The following ARHGAP8 variants were observed in gnomAD, a reference collection of about 807,000 sequenced individuals.
ARHGAP8 encodes rho GTPase-activating protein 8.
ARHGAP8 carries 62 observed loss-of-function variants against 46.1 expected under a neutral mutation model. The observed-to-expected ratio is 1.34, with a 90% CI of 1.10 to 1.66. The LOEUF is 1.66. Among genes scored for constraint, ARHGAP8 ranks in the 40% most tolerant of loss-of-function variants. ARHGAP8 has a pLI of 0.00. For synonymous variants in ARHGAP8, 375 were observed against 243.1 expected, an observed-to-expected ratio of 1.54 and a Z score of -5.05; for missense variants, 923 against 568.4, an observed-to-expected ratio of 1.62 and a Z score of -6.34.
rs142785513 is a variant in ARHGAP8, at chr22:44,772,549, G to A, written c.-71-13908G>A. 5.6e-3 allele frequency among the ~76,000 whole-genome samples: 842 copies of A among 150,892 alleles called. 7 individuals are homozygous for A. Among genetic ancestry groups the A allele is most frequent in the African/African-American group, 0.02 (812 of 41,124 alleles). On this transcript the variant is annotated intron_variant, in intron 1 of 11. Transcript: ENST00000356099. ...AACAAACCCTTGTTGGTCATGATAG[G>A]TTGTACTTTTTATATATTGCTGGGT...
In ARHGAP8 at chr22:44,807,402, G is replaced by C. The variant is rs535230788; in HGVS notation, c.168-905G>C. Among the ~76,000 whole-genome samples, 54 of 150,950 alleles carry C rather than the reference G, an allele frequency of 3.6e-4. 1 individual carries two copies. The highest frequency in any genetic ancestry group is 6.5e-4 in the Admixed American group (10 of 15,270). On this transcript the variant is annotated intron_variant, in intron 3 of 11. Coordinates refer to ENST00000356099, the MANE Select transcript of ARHGAP8 (RefSeq NM_181335.3). ...GAAATGGGTAGAGCCTACACCATAG[G>C]GGGTGGCGGGCGACAGACGCAGAGC...
chr22:44,765,786 CCTT>C (rs1466712878), intron 1 of ARHGAP8: 1 of 152,376 alleles, frequency 6.6e-6, no homozygotes, highest in African/African-American at 2.4e-5. Context: ...GCCAGGCGGC[CCTT>C]CTTCCTGACC....
At chr22:44,812,805 T>G (rs1929431349) in intron 4 of ARHGAP8, among the ~76,000 whole-genome samples, 1 of 152,218 alleles carries the variant, frequency 6.6e-6, no homozygotes, top group Admixed American at 6.5e-5. Flanking sequence ...GGTGGTCTGA[T>G]GAGCACTCGG....
intron 1 of ARHGAP8, among the ~76,000 whole-genome samples, chr22:44,771,802 G>A (rs551327805): frequency 3.7e-4 from 56 of 152,060 alleles, no homozygotes; most frequent in Admixed American, 9.2e-4. Flanking sequence ...TGATCCACCC[G>A]CCTCGGCCTC....
chr22:44,861,102 G>A (rs1414937052), intron 11 of ARHGAP8, among the ~76,000 whole-genome samples: 2 of 152,174 alleles, frequency 1.3e-5, no homozygotes, highest in Non-Finnish European at 2.9e-5. Context: ...CTCCCACGTA[G>A]CTGGGATTAC....
At chr22:44,797,180 C>G (rs1928149897) in intron 2 of ARHGAP8, among the ~76,000 whole-genome samples, 1 of 150,242 alleles carries the variant, frequency 6.7e-6, no homozygotes, top group Non-Finnish European at 1.5e-5. Flanking sequence ...CCAAGACTTG[C>G]ACTTGGTCTG....
chr22:44,753,231 T>C (rs1361868964), intron 1 of ARHGAP8, among the ~76,000 whole-genome samples: 1 of 151,654 alleles, frequency 6.6e-6, no homozygotes, highest in African/African-American at 2.4e-5. Context: ...GAAACTTTTT[T>C]TTTTTTTTTT....
intron 3 of ARHGAP8, among the ~76,000 whole-genome samples, chr22:44,807,986 A>C (rs1452404916): frequency 6.6e-6 from 1 of 152,106 alleles, no homozygotes; most frequent in Non-Finnish European, 1.5e-5. Flanking sequence ...CCTAAATTTA[A>C]TTGCACCTAC....
chr22:44,838,784 G>A (rs1441673196), intron 7 of ARHGAP8, among the ~76,000 whole-genome samples: 1 of 152,152 alleles, frequency 6.6e-6, no homozygotes, highest in Admixed American at 6.5e-5. Flanking sequence ...GTAGCTCACT[G>A]GGCCCATTTG....
intron 1 of ARHGAP8, among the ~76,000 whole-genome samples, chr22:44,759,984 GA>G (rs1425728257): frequency 2.0e-5 from 3 of 152,180 alleles, no homozygotes; most frequent in African/African-American, 2.4e-5. Context: ...ACCCACAGGA[GA>G]GGGGGTGACC....
At chr22:44,801,199 C>T (rs1371532261) in intron 2 of ARHGAP8, among the ~76,000 whole-genome samples, 3 of 62,738 alleles carry the variant, frequency 4.8e-5, no homozygotes, top group Non-Finnish European at 5.9e-5. Context: ...CGCAGCTGTC[C>T]ATGTGTGGGG....
intron 5 of ARHGAP8, 84 bp downstream of exon 5, chr22:44,814,842 C>A: frequency 6.7e-7 from 1 of 1,490,274 alleles, no homozygotes; most frequent in Non-Finnish European, 9.2e-7. Flanking sequence ...CCTATCCACG[C>A]ATCATGGAGG....
chr22:44,851,229 T>C lies in ARHGAP8; in HGVS notation c.877+2169T>C, dbSNP rs2070084912. Among the ~76,000 whole-genome samples the C allele has an allele frequency of 2.0e-5, 3 of 152,268 alleles. No homozygotes were observed. The South Asian group carries it at 6.2e-4, about 32-fold the overall frequency. ...AACAAACCTGGAGAGCGTAGTCATATTAAGCAACCCTCTGTTGGGAAGGAA... is the reference window on the plus strand; with the variant it reads ...AACAAACCTGGAGAGCGTAGTCATACTAAGCAACCCTCTGTTGGGAAGGAA... On this transcript the variant is annotated intron_variant, in intron 10 of 11. Transcript: ENST00000356099.
chr22:44,861,501 A>C (rs917548744), intron 11 of ARHGAP8, among the ~76,000 whole-genome samples: 1 of 151,926 alleles, frequency 6.6e-6, no homozygotes, highest in Non-Finnish European at 1.5e-5. Flanking sequence ...CAGCCATCTC[A>C]CCTGAGCATC....
chr22:44,792,031 T>C (rs562876196), intron 2 of ARHGAP8, among the ~76,000 whole-genome samples: 1 of 151,352 alleles, frequency 6.6e-6, no homozygotes, highest in South Asian at 2.1e-4. Flanking sequence ...CTTTTTTTTT[T>C]AGATGGAGTC....
At chr22:44,783,742 G>C (rs929931626) in intron 1 of ARHGAP8, among the ~76,000 whole-genome samples, 2 of 152,182 alleles carry the variant, frequency 1.3e-5, no homozygotes, top group Admixed American at 6.5e-5. Context: ...GGTGTTTCCT[G>C]GGCTGAGGTC....
intron 7 of ARHGAP8, among the ~76,000 whole-genome samples, chr22:44,844,211 C>A (rs12166338): frequency 0.24 from 35,896 of 152,046 alleles, 5,080 homozygotes; most frequent in African/African-American, 0.39. Flanking sequence ...ACCTCGTGGT[C>A]TGTCCACTTT....
chr22:44,767,360 AACT>A (rs1925653751), intron 1 of ARHGAP8, among the ~76,000 whole-genome samples: 1 of 151,864 alleles, frequency 6.6e-6, no homozygotes, highest in South Asian at 2.1e-4. Context: ...CTTTTAGCTG[AACT>A]ATTGGAGAGT....
At chr22:44,842,108 C>T (rs1325990627) in intron 7 of ARHGAP8, among the ~76,000 whole-genome samples, 4 of 152,210 alleles carry the variant, frequency 2.6e-5, no homozygotes, top group Admixed American at 1.3e-4. Flanking sequence ...CCTATAATCC[C>T]AGCACTTTGG....
Sources: gnomAD v4.1 joint callset for allele counts (sites outside exome capture counted in the v4.1 genomes callset) on GRCh38, gnomAD v4.1.1 for gene constraint, MANE v1.5 for transcripts, NCBI Gene and HGNC (gene_info 2026-07-23, HGNC 2026-07-21) for gene names.